Variants in FRMD6 observed in about 807,000 individuals in gnomAD.
FRMD6 encodes FERM domain containing 6, also known as FERM domain-containing protein 6.
Under a neutral mutation model 73.2 loss-of-function variants are expected in FRMD6, and 37 were observed. The observed-to-expected ratio is 0.51, with a 90% CI of 0.39 to 0.66. The LOEUF (loss-of-function observed/expected upper bound fraction) is 0.66. FRMD6 is among the 30% of genes least tolerant of loss of function. The pLI is 0.00. For missense variants in FRMD6, 714 were observed against 780.5 expected (o/e 0.91, Z 1.02); for synonymous variants, 273 against 282.2 (o/e 0.97, Z 0.33).
chr14:51,423,636 C>T, the FRMD6 span, among the ~76,000 whole-genome samples: 1 of 152,190 alleles, frequency 6.6e-6, no homozygotes, highest in South Asian at 2.1e-4. Context: ...AGCTGTCCTG[C>T]TCCCATGTGC....
the FRMD6 span, among the ~76,000 whole-genome samples, chr14:51,455,572 T>G: frequency 6.6e-6 from 1 of 152,244 alleles, no homozygotes; most frequent in African/African-American, 2.4e-5. Flanking sequence ...TTTTTAGCTC[T>G]GAGTTTTGCC....
At chr14:51,623,039 T>C (rs1243517751) in intron 2 of FRMD6, among the ~76,000 whole-genome samples, 6 of 152,168 alleles carry the variant, frequency 3.9e-5, no homozygotes, top group Non-Finnish European at 8.8e-5. Context: ...TGCCCAGTCA[T>C]GGCTTCGTCA....
At chr14:51,596,222 T>C (rs981823047) in intron 2 of FRMD6, among the ~76,000 whole-genome samples, 2 of 151,462 alleles carry the variant, frequency 1.3e-5, no homozygotes, top group African/African-American at 4.9e-5. Flanking sequence ...TTTTTTGGAA[T>C]TGTGGAATTT....
chr14:51,545,979 T>C (rs1276642516), intron 1 of FRMD6, among the ~76,000 whole-genome samples: 1 of 152,100 alleles, frequency 6.6e-6, no homozygotes, highest in African/African-American at 2.4e-5. Context: ...TTGAAAAAAA[T>C]GAAAATGGGA....
chr14:51,711,514 A>C lies in FRMD6; in HGVS notation c.715-17A>C. The C allele has an allele frequency of 6.5e-7, 1 of 1,535,474 alleles. No homozygotes were observed. The highest frequency in any genetic ancestry group is 8.9e-7 in the Non-Finnish European group (1 of 1,118,572). ...ATATAAAAACATTTAATTTTTTATAAAATCCTATTCCTACAGGATAAAAGG... is the reference window on the plus strand; with the variant it reads ...ATATAAAAACATTTAATTTTTTATACAATCCTATTCCTACAGGATAAAAGG... On this transcript the variant is annotated splice_polypyrimidine_tract_variant and intron_variant, in intron 7 of 13. Coordinates refer to ENST00000344768, the MANE Select transcript of FRMD6 (RefSeq NM_001267046.2).
intron 9 of FRMD6, among the ~76,000 whole-genome samples, chr14:51,713,143 G>A (rs1897038724): frequency 1.3e-5 from 2 of 152,044 alleles, no homozygotes; most frequent in African/African-American, 4.8e-5. Flanking sequence ...AGTTAATAAT[G>A]TGTACATTTG....
chr14:51,515,420 C>A (rs994333836), intron 1 of FRMD6, among the ~76,000 whole-genome samples: 1 of 152,230 alleles, frequency 6.6e-6, no homozygotes, highest in East Asian at 1.9e-4. Context: ...ATATCTGCTG[C>A]TTCAATTCCC....
chr14:51,573,915 G>T (rs1178417742), intron 2 of FRMD6, among the ~76,000 whole-genome samples: 1 of 152,192 alleles, frequency 6.6e-6, no homozygotes, highest in African/African-American at 2.4e-5. Context: ...TTTAGGGAAA[G>T]AAACGAGACA....
intron 2 of FRMD6, among the ~76,000 whole-genome samples, chr14:51,694,607 T>C (rs1371710773): frequency 6.6e-6 from 1 of 152,164 alleles, no homozygotes; most frequent in African/African-American, 2.4e-5. Context: ...GCAGGATTGC[T>C]TTAGCCTGAG....
chr14:51,622,689 A>G (rs1275016531), intron 2 of FRMD6, among the ~76,000 whole-genome samples: 2 of 152,206 alleles, frequency 1.3e-5, no homozygotes, highest in Admixed American at 1.3e-4. Flanking sequence ...TATTCCTAGT[A>G]TCCTAAAGAT....
At chr14:51,442,824 G>T in the FRMD6 span, among the ~76,000 whole-genome samples, 1 of 152,128 alleles carries the variant, frequency 6.6e-6, no homozygotes, top group African/African-American at 2.4e-5. Flanking sequence ...TAACCATTTT[G>T]GTACAAAACA....
the FRMD6 span, among the ~76,000 whole-genome samples, chr14:51,409,465 G>T: frequency 6.7e-6 from 1 of 149,934 alleles, no homozygotes; most frequent in Non-Finnish European, 1.5e-5. Flanking sequence ...CAGTAGAATT[G>T]GTCAAGGTCT....
At chr14:51,420,157 A>G in the FRMD6 span, among the ~76,000 whole-genome samples, 1 of 152,362 alleles carries the variant, frequency 6.6e-6, no homozygotes, top group South Asian at 2.1e-4. Flanking sequence ...AAAGTAACAG[A>G]TCCTTTATCT....
rs202093591 is a variant in FRMD6, at chr14:51,698,120, G to A, written c.100-22G>A. The A allele has an allele frequency of 1.5e-4, 233 of 1,571,498 alleles. 2 individuals are homozygous for A. The African/African-American group carries it at 2.3e-3, about 16-fold the overall frequency. ...GGACTTAGTTGAATTGTTATTTTAC[G>A]TCGTGCCTTTTTCCCCTACAGGTTA... On this transcript the variant is annotated intron_variant, in intron 2 of 13. Coordinates refer to ENST00000344768, the MANE Select transcript of FRMD6 (RefSeq NM_001267046.2).
chr14:51,606,259 A>G (rs1184872535), intron 2 of FRMD6, among the ~76,000 whole-genome samples: 2 of 140,206 alleles, frequency 1.4e-5, no homozygotes. Flanking sequence ...ACAGCCAGTA[A>G]TACACATGGA....
intron 1 of FRMD6, among the ~76,000 whole-genome samples, chr14:51,655,487 CTT>C (rs1892758223): frequency 6.6e-6 from 1 of 151,924 alleles, no homozygotes; most frequent in Non-Finnish European, 1.5e-5. Context: ...TGTGGTTAAA[CTT>C]TTATACAGAG....
At chr14:51,465,281 C>A in the FRMD6 span, among the ~76,000 whole-genome samples, 1 of 152,050 alleles carries the variant, frequency 6.6e-6, no homozygotes, top group Non-Finnish European at 1.5e-5. Flanking sequence ...TTTTATTGAG[C>A]CATAACTCAT....
At chr14:51,638,664 T>C (rs182190932) in intron 2 of FRMD6, among the ~76,000 whole-genome samples, 7 of 152,268 alleles carry the variant, frequency 4.6e-5, no homozygotes, top group Admixed American at 4.6e-4. Context: ...AATTAGAAAC[T>C]TGAAGGACAA....
At chr14:51,574,761 T>C (rs1224778579) in intron 2 of FRMD6, among the ~76,000 whole-genome samples, 1 of 152,160 alleles carries the variant, frequency 6.6e-6, no homozygotes, top group African/African-American at 2.4e-5. Context: ...TATTTGATAG[T>C]ACAACAGGGC....
Sources: allele counts gnomAD v4.1 joint callset (sites outside exome capture counted in the v4.1 genomes callset), GRCh38; gene constraint gnomAD v4.1.1; transcripts MANE v1.5; gene names NCBI Gene and HGNC (gene_info 2026-07-23, HGNC 2026-07-21).